Variants in POLE4 observed in about 807,000 individuals in gnomAD.
POLE4 encodes the protein DNA polymerase epsilon subunit 4.
In POLE4, 15 loss-of-function variants were observed where a neutral mutation model predicts 15.6. That is an observed-to-expected ratio of 0.96 (90% CI 0.64 to 1.48). The LOEUF is 1.48. Among genes scored for constraint, POLE4 ranks in the 40% most tolerant of loss-of-function variants. The pLI, the probability that POLE4 is intolerant of heterozygous loss-of-function variation, is 0.00. For synonymous variants in POLE4, 83 were observed against 63.2 expected (o/e 1.31, Z -1.49); for missense variants, 205 against 151.9 (o/e 1.35, Z -1.84).
chr2:74,959,468 T>A, intron 2 of POLE4, 43 bp downstream of exon 2: 1 of 1,316,766 alleles, frequency 7.6e-7, no homozygotes. Context: ...AAGGGAGGGC[T>A]GGGCTGGTTT....
chr2:74,960,222 C>T (rs1432166389), intron 3 of POLE4, 76 bp downstream of exon 3: 9 of 1,178,928 alleles, frequency 7.6e-6, no homozygotes, highest in East Asian at 7.0e-5. Flanking sequence ...TCTCATAAAA[C>T]GGATGCCTGC....
At position 74,969,967 on chromosome 2, in the gene POLE4, ATTTT is replaced by A. The variant is rs1159521244; in HGVS notation, c.*550_*553del. On this transcript the variant is annotated 3_prime_UTR_variant, in exon 4 of 4. Coordinates refer to ENST00000483063, the MANE Select transcript of POLE4 (RefSeq NM_019896.4). ...TGGTCCTAGATTGAAAGCCAGTTAA[ATTTT>A]TTTTAAGTTTTATTTATTGACATAT... is the stretch of plus-strand genomic sequence containing the variant. The A allele has an allele frequency of 1.3e-5, 2 of 153,124 alleles. No homozygotes were observed. Among genetic ancestry groups the A allele is most frequent in the African/African-American group, 4.8e-5 (2 of 41,416 alleles). 9.5% of individuals were successfully genotyped at this position (153,124 alleles called of 1,614,324 possible).
rs1294553503 is a variant in POLE4 at position 74,959,194 on chromosome 2, C to A, written c.214-147C>A. On this transcript the variant is annotated intron_variant, in intron 1 of 3. Coordinates refer to ENST00000483063, the MANE Select transcript of POLE4 (RefSeq NM_019896.4). The stretch of plus-strand genomic sequence containing the variant: ...GGAAGAGGGTAGCGGAATGGATCTT[C>A]ATGAAGTCCAGGACAATCTTAGCTT... The A allele has an allele frequency of 1.1e-5, 7 of 626,966 alleles. No homozygotes were observed. The African/African-American group carries it at 1.3e-4, about 12-fold the overall frequency. The allele number at this position is 626,966 out of a possible 1,614,324, so 38.8% of individuals were successfully genotyped here.
intron 3 of POLE4, among the ~76,000 whole-genome samples, chr2:74,963,062 A>T (rs539543803): frequency 6.6e-6 from 1 of 152,240 alleles, no homozygotes; most frequent in East Asian, 1.9e-4. Flanking sequence ...GGGAAACCTT[A>T]TTTCTCCTAT....
chr2:74,960,280 A>G, intron 3 of POLE4, 134 bp downstream of exon 3: 1 of 775,752 alleles, frequency 1.3e-6, no homozygotes, highest in Non-Finnish European at 2.2e-6. Flanking sequence ...TTAGGATAGA[A>G]AAAAGTAACT....
intron 1 of POLE4, 82 bp downstream of exon 1, chr2:74,958,974 T>A (rs1671170452): frequency 7.5e-7 from 1 of 1,329,918 alleles, no homozygotes; most frequent in Non-Finnish European, 1.0e-6. Context: ...CGGGCGGGGC[T>A]TAGGGCGGCG....
chr2:74,968,244 CT>C (rs1671321634), intron 3 of POLE4, among the ~76,000 whole-genome samples: 1 of 152,018 alleles, frequency 6.6e-6, no homozygotes, highest in Admixed American at 6.5e-5. Flanking sequence ...AAAAGCACCT[CT>C]ATTTTTTTTT....
intron 3 of POLE4, among the ~76,000 whole-genome samples, chr2:74,963,396 A>G (rs1056397031): frequency 2.0e-5 from 3 of 152,050 alleles, no homozygotes; most frequent in Admixed American, 2.0e-4. Flanking sequence ...GCGTCTTTTC[A>G]TATACATGCC....
intron 3 of POLE4, among the ~76,000 whole-genome samples, chr2:74,963,510 A>G (rs1329004153): frequency 1.3e-5 from 2 of 149,954 alleles, no homozygotes; most frequent in Non-Finnish European, 1.5e-5. Flanking sequence ...ATTTTTATTT[A>G]TTTATTTTTT....
intron 3 of POLE4, among the ~76,000 whole-genome samples, chr2:74,963,558 C>G (rs1245267120): frequency 6.6e-6 from 1 of 151,914 alleles, no homozygotes; most frequent in Non-Finnish European, 1.5e-5. Context: ...GGCTGGAATG[C>G]AGTGGCATGA....
At chr2:74,963,123 G>A (rs1233036610) in intron 3 of POLE4, among the ~76,000 whole-genome samples, 1 of 152,210 alleles carries the variant, frequency 6.6e-6, no homozygotes, top group Non-Finnish European at 1.5e-5. Context: ...TAGGGTGGAT[G>A]TATATGTGTG....
chr2:74,959,855 A>G, intron 2 of POLE4: 3 of 499,850 alleles, frequency 6.0e-6, no homozygotes, highest in Non-Finnish European at 1.1e-5. Context: ...TTTAGGGGTA[A>G]TTTAGGAGGC....
intron 3 of POLE4, among the ~76,000 whole-genome samples, chr2:74,963,068 C>T (rs1289374419): frequency 1.3e-5 from 2 of 152,170 alleles, no homozygotes; most frequent in African/African-American, 4.8e-5. Flanking sequence ...CCTTATTTCT[C>T]CTATTATAAA....
chr2:74,963,591 CT>C (rs1230848191), intron 3 of POLE4, among the ~76,000 whole-genome samples: 5 of 152,220 alleles, frequency 3.3e-5, no homozygotes, highest in South Asian at 4.1e-4. Context: ...GCAGCCCCCC[CT>C]CCCACGTTCA....
At chr2:74,960,625 G>C in intron 3 of POLE4, 1 of 481,154 alleles carries the variant, frequency 2.1e-6, no homozygotes, top group Non-Finnish European at 4.2e-6. Context: ...ACTAAATTTT[G>C]TCATTAAAAA....
rs1301888360 is a variant in POLE4 at position 74,958,674 on chromosome 2, G to A, written c.-6G>A. ...GGCGGCCGCGCGCAGCACGCTCAAG[G>A]CCGGGATGGCGGCGGCGGCGGCGGC... On this transcript the variant is annotated 5_prime_UTR_variant, in exon 1 of 4. Coordinates refer to ENST00000483063, the MANE Select transcript of POLE4 (RefSeq NM_019896.4). 1.4e-6 allele frequency: 2 copies of A among 1,451,818 alleles called. No homozygotes were observed. Among genetic ancestry groups the A allele is most frequent in the South Asian group, 1.4e-5 (1 of 70,052 alleles). The allele number at this position is 1,451,818 out of a possible 1,614,324, so 89.9% of individuals were successfully genotyped here.
Position 74,958,687 on chromosome 2 carries a change from CG to C in POLE4, c.10del (p.Ala4ArgfsTer43). Reference protein sequence around the residue: MAAAAAAGSGTPR... With the variant: MAXAAAAGSGTPR... ...AGCACGCTCAAGGCCGGGATGGCGG[CG>C]GCGGCGGCGGCAGGAAGCGGGACGC... On this transcript the variant is annotated frameshift_variant, in exon 1 of 4. Coordinates refer to ENST00000483063, the MANE Select transcript of POLE4 (RefSeq NM_019896.4). LOFTEE classifies it high-confidence loss of function. The C allele has an allele frequency of 6.8e-7, 1 of 1,462,670 alleles. No homozygotes were observed. The highest frequency in any genetic ancestry group is 9.0e-7 in the Non-Finnish European group (1 of 1,112,986). 90.6% of individuals were successfully genotyped at this position (1,462,670 alleles called of 1,614,324 possible).
chr2:74,964,246 T>G (rs75065540), intron 3 of POLE4, among the ~76,000 whole-genome samples: 6,598 of 152,324 alleles, frequency 0.043, 464 homozygotes, highest in African/African-American at 0.15. Context: ...ACTGTCTCAG[T>G]TATGGTAGCT....
chr2:74,959,841 ATAATTTAGGGG>A (rs1671190257), intron 2 of POLE4: 2 of 490,614 alleles, frequency 4.1e-6, no homozygotes, highest in Admixed American at 3.8e-5. Context: ...AAGCGAATAA[ATAATTTAGGGG>A]TAATTTAGGA....
Sources: gnomAD v4.1 joint callset for allele counts (sites outside exome capture counted in the v4.1 genomes callset) on GRCh38, gnomAD v4.1.1 for gene constraint, MANE v1.5 for transcripts, NCBI Gene and HGNC (gene_info 2026-07-23, HGNC 2026-07-21) for gene names.